The following RASSF3 variants were observed in gnomAD, a reference collection of about 807,000 sequenced individuals.
RASSF3 encodes ras association domain-containing protein 3.
Under a neutral mutation model 19.9 loss-of-function variants are expected in RASSF3, and 19 were observed. The observed-to-expected ratio is 0.96, with a 90% CI of 0.67 to 1.40. RASSF3 has a LOEUF of 1.40. RASSF3 is among the 40% of genes most tolerant of loss of function. The pLI is 0.00. For synonymous variants in RASSF3, 110 were observed against 104.2 expected, an observed-to-expected ratio of 1.06 and a Z score of -0.34; for missense variants, 306 against 289.8, an observed-to-expected ratio of 1.06 and a Z score of -0.41.
chr12:64,560,855 G>T (rs1042902059), intron 2 of RASSF3, among the ~76,000 whole-genome samples: 1 of 152,234 alleles, frequency 6.6e-6, no homozygotes, highest in African/African-American at 2.4e-5. Context: ...CTCTGTGAGA[G>T]ACGGGGAAGG....
At chr12:64,559,058 T>C (rs2136124491) in intron 2 of RASSF3, among the ~76,000 whole-genome samples, 2 of 152,198 alleles carry the variant, frequency 1.3e-5, no homozygotes, top group South Asian at 4.1e-4. Context: ...CCTGACACTC[T>C]GGAGCCTCAT....
chr12:64,617,631 C>T (rs1870596251), intron 1 of RASSF3, among the ~76,000 whole-genome samples: 1 of 152,200 alleles, frequency 6.6e-6, no homozygotes, highest in Non-Finnish European at 1.5e-5. Flanking sequence ...GATCTCCACT[C>T]ACCGCAACCT....
rs1250413324 is a variant in RASSF3 at position 64,695,839 on chromosome 12, C to T, written c.*927C>T. 6.6e-6 allele frequency: 1 copy of T among 152,166 alleles called. No homozygotes were observed. Among genetic ancestry groups the T allele is most frequent in the African/African-American group, 2.4e-5 (1 of 41,408 alleles). 9.4% of individuals were successfully genotyped at this position (152,166 alleles called of 1,614,324 possible). On this transcript the variant is annotated 3_prime_UTR_variant, in exon 5 of 5. Transcript: ENST00000542104. ...GATTGGTGTAGCTGCTCTGCATAGG[C>T]AGGACAGTGACAGTTCACTAACTCT...
At chr12:64,539,999 T>G (rs926493790) in intron 1 of RASSF3, among the ~76,000 whole-genome samples, 3 of 152,222 alleles carry the variant, frequency 2.0e-5, no homozygotes, top group Admixed American at 2.0e-4. Flanking sequence ...GAATGGTCTT[T>G]TTATCTCGAT....
chr12:64,603,335 A>G (rs1870128972), intron 2 of RASSF3, among the ~76,000 whole-genome samples: 1 of 152,180 alleles, frequency 6.6e-6, no homozygotes, highest in South Asian at 2.1e-4. Flanking sequence ...TCCCTTGGCC[A>G]GTTCTTATCA....
At chr12:64,514,344 G>A (rs1467051998) in intron 1 of RASSF3, among the ~76,000 whole-genome samples, 1 of 151,314 alleles carries the variant, frequency 6.6e-6, no homozygotes, top group African/African-American at 2.4e-5. Context: ...GTGCCACTAC[G>A]CCGAGCTAAT....
Position 64,558,188 on chromosome 12 carries a change from C to T in RASSF3, c.294+16483C>T, listed in dbSNP as rs1869284393. ...CATTCAAAGTCAGCAGTAGCTAAAT[C>T]AGCCTTGATATGTGAGAGTTCACGC... On this transcript the variant is annotated intron_variant, in intron 2 of 5. Coordinates refer to the RASSF3 transcript ENST00000637125. Among the ~76,000 whole-genome samples the T allele has an allele frequency of 2.0e-5, 3 of 152,204 alleles. No individual in the cohort carries two copies. In the South Asian group the frequency reaches 6.2e-4, roughly 31 times the overall value.
At chr12:64,554,786 T>C (rs370806418) in intron 2 of RASSF3, among the ~76,000 whole-genome samples, 111 of 152,352 alleles carry the variant, frequency 7.3e-4, no homozygotes, top group African/African-American at 2.5e-3. Flanking sequence ...TTGTCTATCT[T>C]CTCCCACTAG....
At chr12:64,564,054 T>C (rs1158353939) in intron 2 of RASSF3, among the ~76,000 whole-genome samples, 3 of 152,204 alleles carry the variant, frequency 2.0e-5, no homozygotes, top group African/African-American at 7.2e-5. Flanking sequence ...GTACCTTTGA[T>C]GTACATGGTC....
At chr12:64,564,453 G>A (rs1869395958) in intron 2 of RASSF3, among the ~76,000 whole-genome samples, 1 of 151,716 alleles carries the variant, frequency 6.6e-6, no homozygotes, top group Admixed American at 6.6e-5. Context: ...CATGATCTCA[G>A]CTCACCACAA....
At chr12:64,538,313 G>C (rs1438178702) in intron 1 of RASSF3, among the ~76,000 whole-genome samples, 4 of 152,024 alleles carry the variant, frequency 2.6e-5, no homozygotes, top group Non-Finnish European at 5.9e-5. Flanking sequence ...CTTCCTGTAA[G>C]AGCACTAGTC....
intron 2 of RASSF3, among the ~76,000 whole-genome samples, chr12:64,604,231 T>C (rs1393042936): frequency 6.6e-6 from 1 of 151,226 alleles, no homozygotes; most frequent in Non-Finnish European, 1.5e-5. Flanking sequence ...GCTCAAGCAA[T>C]CCTCCCACCT....
chr12:64,670,718 C>G (rs922264917), intron 1 of RASSF3, among the ~76,000 whole-genome samples: 1 of 152,144 alleles, frequency 6.6e-6, no homozygotes, highest in Non-Finnish European at 1.5e-5. Context: ...ATTACTAATT[C>G]CCTACTAAGT....
At chr12:64,626,999 G>T (rs757427417) in intron 1 of RASSF3, among the ~76,000 whole-genome samples, 2 of 152,158 alleles carry the variant, frequency 1.3e-5, no homozygotes, top group African/African-American at 4.8e-5. Flanking sequence ...AGCTTGAGCA[G>T]GTTCCTTACT....
intron 2 of RASSF3, among the ~76,000 whole-genome samples, chr12:64,547,574 GAGAA>G (rs1228262739): frequency 6.6e-6 from 1 of 151,708 alleles, no homozygotes; most frequent in Non-Finnish European, 1.5e-5. Flanking sequence ...TCAAAAAAAA[GAGAA>G]AGAAAAAAGA....
intron 2 of RASSF3, among the ~76,000 whole-genome samples, chr12:64,557,565 T>A (rs1378379779): frequency 6.6e-6 from 1 of 152,004 alleles, no homozygotes; most frequent in Non-Finnish European, 1.5e-5. Context: ...GAGCCTAGAG[T>A]TGTAGGGATG....
chr12:64,553,570 G>C (rs1056681695), intron 2 of RASSF3, among the ~76,000 whole-genome samples: 1 of 152,164 alleles, frequency 6.6e-6, no homozygotes, highest in Non-Finnish European at 1.5e-5. Context: ...AGAAGGAGAC[G>C]AGACCTTGGA....
intron 1 of RASSF3, among the ~76,000 whole-genome samples, chr12:64,537,101 T>G (rs1868843944): frequency 6.6e-6 from 1 of 152,178 alleles, no homozygotes; most frequent in East Asian, 1.9e-4. Context: ...TTTGACTTCC[T>G]TACCCCACAC....
chr12:64,684,601 T>C (rs1873273538), intron 1 of RASSF3, among the ~76,000 whole-genome samples, 186 bp from the exon 2 acceptor site: 1 of 151,884 alleles, frequency 6.6e-6, no homozygotes, highest in South Asian at 2.1e-4. Context: ...CCAGCTAATT[T>C]CGTAATTTTA....
Sources: gnomAD v4.1 joint callset for allele counts (sites outside exome capture counted in the v4.1 genomes callset) on GRCh38, gnomAD v4.1.1 for gene constraint, MANE v1.5 for transcripts, NCBI Gene and HGNC (gene_info 2026-07-23, HGNC 2026-07-21) for gene names.